GSE1: variants seen among roughly 807,000 people sequenced by gnomAD.
GSE1 encodes genetic suppressor element 1.
In GSE1, 32 loss-of-function variants were observed where a neutral mutation model predicts 112.6. That is an observed-to-expected ratio of 0.28 (90% CI 0.21 to 0.38). The LOEUF (loss-of-function observed/expected upper bound fraction) is 0.38, where lower values mean the gene tolerates loss of function less well. GSE1 is among the 10% of genes least tolerant of loss of function. The pLI, the probability that GSE1 is intolerant of heterozygous loss-of-function variation, is 1.00. For missense variants in GSE1, 2,348 were observed against 1,699.2 expected (o/e 1.38, Z -6.71); for synonymous variants, 1,115 against 735.6 (o/e 1.52, Z -8.35).
At chr16:85,668,037 G>A in intron 13 of GSE1, 103 bp from the exon 14 acceptor site, 2 of 869,322 alleles carry the variant, frequency 2.3e-6, no homozygotes, top group Non-Finnish European at 3.6e-6. Flanking sequence ...GAGCCCTGCA[G>A]TCATGTTGAC....
At chr16:85,588,318 CA>C (rs1598292029) in intron 1 of GSE1, among the ~76,000 whole-genome samples, 1 of 152,220 alleles carries the variant, frequency 6.6e-6, no homozygotes. Flanking sequence ...TTGAGAGAGG[CA>C]GCACATGCTC....
chr16:85,369,941 C>T (rs1034347007), intron 2 of GSE1, among the ~76,000 whole-genome samples: 4 of 152,228 alleles, frequency 2.6e-5, no homozygotes, highest in Admixed American at 1.3e-4. Context: ...GTGCATTCTG[C>T]GTCACCCCGG....
intron 1 of GSE1, among the ~76,000 whole-genome samples, chr16:85,205,373 C>T (rs988480178): frequency 6.6e-6 from 1 of 152,178 alleles, no homozygotes; most frequent in Non-Finnish European, 1.5e-5. Flanking sequence ...TTCCAGTGAT[C>T]CGCCTGCCTT....
chr16:85,331,685 G>A (rs1018291463), intron 1 of GSE1, among the ~76,000 whole-genome samples: 1,215 of 43,940 alleles, frequency 0.028, 59 homozygotes, highest in Middle Eastern at 0.064. Context: ...GTGTGTGTGT[G>A]TATATATATA....
chr16:85,435,715 T>TTCCCTCTCCTGAAAA (rs2049231586), intron 2 of GSE1, among the ~76,000 whole-genome samples: 1 of 151,508 alleles, frequency 6.6e-6, no homozygotes, highest in African/African-American at 2.4e-5. Flanking sequence ...GCAGCAGAAA[T>TTCCCTCTCCTGAAAA]TCCCTCTCCT....
chr16:85,592,700 G>T (rs1443984042), intron 1 of GSE1: 1 of 152,268 alleles, frequency 6.6e-6, no homozygotes, highest in Non-Finnish European at 1.5e-5. Flanking sequence ...TTTCAGGGGA[G>T]CCTGAGTTGA....
At chr16:85,401,063 A>C (rs2151670944) in intron 2 of GSE1, among the ~76,000 whole-genome samples, 1 of 152,268 alleles carries the variant, frequency 6.6e-6, no homozygotes, top group African/African-American at 2.4e-5. Context: ...GTGGAGGCCA[A>C]ACCACGAAAG....
chr16:85,654,230 G>C, intron 3 of GSE1, 48 bp from the exon 4 acceptor site: 1 of 1,538,450 alleles, frequency 6.5e-7, no homozygotes, highest in Non-Finnish European at 8.8e-7. Flanking sequence ...CCTGTGGTCA[G>C]TGGCCTATAC....
At chr16:85,344,309 C>T (rs2046687223) in intron 1 of GSE1, among the ~76,000 whole-genome samples, 2 of 152,050 alleles carry the variant, frequency 1.3e-5, no homozygotes, top group South Asian at 4.1e-4. Flanking sequence ...GAGGGGACTC[C>T]TAGGCAGTTG....
At chr16:85,320,989 T>C (rs1403988989) in intron 1 of GSE1, among the ~76,000 whole-genome samples, 2 of 152,178 alleles carry the variant, frequency 1.3e-5, no homozygotes. Context: ...CCAGTCTTAT[T>C]TAGCGTGGCT....
intron 2 of GSE1, among the ~76,000 whole-genome samples, chr16:85,637,444 T>G (rs1317389996): frequency 6.6e-6 from 1 of 151,958 alleles, no homozygotes; most frequent in Non-Finnish European, 1.5e-5. Context: ...CTCCCCACCT[T>G]CATCATGGCA....
chr16:85,423,669 C>A (rs1389090049), intron 2 of GSE1, among the ~76,000 whole-genome samples: 1 of 152,046 alleles, frequency 6.6e-6, no homozygotes, highest in East Asian at 1.9e-4. Context: ...GGCCTGGTGT[C>A]CAGAGTGGGA....
intron 1 of GSE1, among the ~76,000 whole-genome samples, chr16:85,625,928 G>T (rs544623402): frequency 5.9e-5 from 9 of 152,262 alleles, no homozygotes; most frequent in African/African-American, 1.7e-4. Context: ...TCCTCCTGGG[G>T]TAGGGACTCC....
At chr16:85,343,830 T>C (rs984954877) in intron 1 of GSE1, among the ~76,000 whole-genome samples, 2 of 152,168 alleles carry the variant, frequency 1.3e-5, no homozygotes, top group Admixed American at 6.5e-5. Context: ...CCCCTCTCAC[T>C]GCGAATGAGA....
Position 85,665,965 on chromosome 16 carries a change from G to A in GSE1, c.2759-11G>A, listed in dbSNP as rs377525770. 1 of 1,612,510 alleles carries A rather than the reference G, an allele frequency of 6.2e-7. No homozygotes were observed. Among genetic ancestry groups the A allele is most frequent in the Non-Finnish European group, 8.5e-7 (1 of 1,179,456 alleles). ...ATTTCTTAATATTTTCCTTCACTTT[G>A]TCTCTAAAAGAACCAGCCACGCAGC... On this transcript the variant is annotated splice_polypyrimidine_tract_variant and intron_variant, in intron 12 of 15. Coordinates refer to ENST00000253458, the MANE Select transcript of GSE1 (RefSeq NM_014615.5).
chr16:85,337,497 G>C (rs1206218375), intron 1 of GSE1, among the ~76,000 whole-genome samples: 2 of 152,012 alleles, frequency 1.3e-5, no homozygotes, highest in East Asian at 3.9e-4. Flanking sequence ...AGTAGAGACA[G>C]GGTTTCACCG....
intron 1 of GSE1, among the ~76,000 whole-genome samples, chr16:85,352,596 G>A (rs1353849563): frequency 1.3e-5 from 2 of 152,182 alleles, no homozygotes; most frequent in Non-Finnish European, 2.9e-5. Flanking sequence ...CAGGTTTCAG[G>A]GCCTGCTTTT....
intron 2 of GSE1, among the ~76,000 whole-genome samples, chr16:85,508,254 C>A (rs1298065337): frequency 4.6e-5 from 7 of 152,250 alleles, no homozygotes; most frequent in African/African-American, 1.4e-4. Flanking sequence ...GGCTGGTCTG[C>A]AACTCCTGAC....
intron 1 of GSE1, among the ~76,000 whole-genome samples, chr16:85,306,494 G>A (rs908259690): frequency 1.8e-4 from 27 of 152,238 alleles, no homozygotes; most frequent in Non-Finnish European, 3.4e-4. Flanking sequence ...CAGACTGTGG[G>A]TAGGAGTTGC....
Sources: gnomAD v4.1 joint callset for allele counts (sites outside exome capture counted in the v4.1 genomes callset) on GRCh38, gnomAD v4.1.1 for gene constraint, MANE v1.5 for transcripts, NCBI Gene and HGNC (gene_info 2026-07-23, HGNC 2026-07-21) for gene names.